SYNPR: variants seen among roughly 807,000 people sequenced by gnomAD.
SYNPR encodes the protein synaptoporin.
A neutral mutation model predicts 32.9 loss-of-function variants in SYNPR; 23 were observed. The ratio of observed to expected loss-of-function variants is 0.70; its 90% CI spans 0.50 to 0.99. The LOEUF (loss-of-function observed/expected upper bound fraction) is 0.99, where lower values mean the gene tolerates loss of function less well. Ranked by LOEUF, SYNPR falls within the 50% of genes least tolerant of loss-of-function variation. SYNPR has a pLI of 0.00. For missense variants in SYNPR, 318 were observed against 349.3 expected, an observed-to-expected ratio of 0.91 and a Z score of 0.71; for synonymous variants, 146 against 135.9, an observed-to-expected ratio of 1.07 and a Z score of -0.52.
chr3:63,600,241 A>C (rs1175931061), intron 4 of SYNPR, among the ~76,000 whole-genome samples: 1 of 152,224 alleles, frequency 6.6e-6, no homozygotes, highest in Non-Finnish European at 1.5e-5. Flanking sequence ...AAATACGGAC[A>C]GCAGCTACTG....
intron 1 of SYNPR, among the ~76,000 whole-genome samples, chr3:63,243,625 G>T (rs1437478658): frequency 6.6e-6 from 1 of 152,036 alleles, no homozygotes; most frequent in Non-Finnish European, 1.5e-5. Flanking sequence ...GAGGTTGGTT[G>T]TTTCTTTCCT....
chr3:63,221,771 T>C, the SYNPR span, among the ~76,000 whole-genome samples: 1 of 152,180 alleles, frequency 6.6e-6, no homozygotes, highest in Non-Finnish European at 1.5e-5. Context: ...TGTCTAGCTG[T>C]ATAACCTCAG....
chr3:63,239,385 T>C lies in SYNPR; in HGVS notation n.66+11005T>C, dbSNP rs879380483. ...CCCATCCTATCATTGTCAAGTGTGT[T>C]ATGCACCCACCCTACCATTGTCACC... On this transcript the variant is annotated intron_variant and non_coding_transcript_variant, in intron 1 of 4. Transcript: ENST00000478456. Among the ~76,000 whole-genome samples, 184 of 145,280 alleles carry C rather than the reference T, an allele frequency of 1.3e-3. 2 individuals carry two copies. Among genetic ancestry groups the C allele is most frequent in the South Asian group, 2.3e-3 (10 of 4,304 alleles).
chr3:63,405,294 G>A (rs1338435543), intron 2 of SYNPR, among the ~76,000 whole-genome samples: 1 of 152,140 alleles, frequency 6.6e-6, no homozygotes, highest in Non-Finnish European at 1.5e-5. Flanking sequence ...AATACGTGAG[G>A]CTATGAAACC....
chr3:63,364,929 C>T (rs746231521), intron 2 of SYNPR, among the ~76,000 whole-genome samples: 1 of 151,864 alleles, frequency 6.6e-6, no homozygotes, highest in Non-Finnish European at 1.5e-5. Context: ...GAAATATGGT[C>T]TCAAGTGACC....
At chr3:63,604,766 T>C (rs768406872) in intron 4 of SYNPR, among the ~76,000 whole-genome samples, 1 of 152,200 alleles carries the variant, frequency 6.6e-6, no homozygotes, top group African/African-American at 2.4e-5. Context: ...TTAATTACAT[T>C]ATTATTTGAT....
chr3:63,605,145 A>T (rs527702401), intron 4 of SYNPR, among the ~76,000 whole-genome samples: 1 of 152,304 alleles, frequency 6.6e-6, no homozygotes, highest in African/African-American at 2.4e-5. Flanking sequence ...AACTGTTCCA[A>T]ATTGTGAAAA....
chr3:63,270,898 T>TCC (rs1193060478), intron 3 of SYNPR, among the ~76,000 whole-genome samples: 1 of 55,382 alleles, frequency 1.8e-5, no homozygotes, highest in African/African-American at 7.3e-5. Context: ...CTTCCTTCCT[T>TCC]TTCTTTCCTT....
intron 2 of SYNPR, among the ~76,000 whole-genome samples, chr3:63,289,668 T>G (rs1366812373): frequency 2.0e-5 from 3 of 152,030 alleles, no homozygotes; most frequent in South Asian, 4.2e-4. Context: ...AAATTACGGA[T>G]CGAATTTCAA....
intron 2 of SYNPR, among the ~76,000 whole-genome samples, chr3:63,339,095 T>G (rs896289610): frequency 1.3e-5 from 2 of 152,248 alleles, no homozygotes; most frequent in Admixed American, 1.3e-4. Context: ...GATACACTGG[T>G]GCTTTGATAT....
At chr3:63,564,934 G>A (rs1197772021) in intron 4 of SYNPR, among the ~76,000 whole-genome samples, 2 of 152,098 alleles carry the variant, frequency 1.3e-5, no homozygotes, top group Non-Finnish European at 2.9e-5. Flanking sequence ...TCCTTTGCTG[G>A]AGTCTGTGCC....
At chr3:63,325,644 T>A (rs1575598795) in intron 2 of SYNPR, among the ~76,000 whole-genome samples, 1 of 152,128 alleles carries the variant, frequency 6.6e-6, no homozygotes, top group Non-Finnish European at 1.5e-5. Context: ...TTCAACACAC[T>A]CCAAATGGAG....
intron 2 of SYNPR, among the ~76,000 whole-genome samples, chr3:63,371,882 C>G (rs570688393): frequency 3.2e-4 from 48 of 152,292 alleles, no homozygotes; most frequent in African/African-American, 1.1e-3. Flanking sequence ...CCCTAACCAC[C>G]CTCAGGATGG....
At chr3:63,395,595 T>C (rs902285634) in intron 2 of SYNPR, among the ~76,000 whole-genome samples, 1 of 152,214 alleles carries the variant, frequency 6.6e-6, no homozygotes, top group African/African-American at 2.4e-5. Context: ...CTAAGTAAGA[T>C]ACCTAAGGTC....
chr3:63,326,996 C>G (rs1019887929), intron 2 of SYNPR, among the ~76,000 whole-genome samples: 1 of 151,378 alleles, frequency 6.6e-6, no homozygotes, highest in African/African-American at 2.4e-5. Flanking sequence ...GACTACTTTC[C>G]TCATAGAAAA....
chr3:63,449,086 C>A (rs558058870), intron 2 of SYNPR, among the ~76,000 whole-genome samples: 2 of 152,042 alleles, frequency 1.3e-5, no homozygotes, highest in South Asian at 4.2e-4. Context: ...CATTCTCATT[C>A]TTGGACAGTA....
chr3:63,268,320 C>G (rs1439607514), intron 3 of SYNPR, among the ~76,000 whole-genome samples: 2 of 152,082 alleles, frequency 1.3e-5, no homozygotes, highest in Non-Finnish European at 2.9e-5. Flanking sequence ...ACTTCTGTTT[C>G]TATTTAAATA....
intron 2 of SYNPR, among the ~76,000 whole-genome samples, chr3:63,303,242 T>C (rs149219321): frequency 1.3e-5 from 2 of 151,958 alleles, no homozygotes; most frequent in African/African-American, 4.8e-5. Context: ...TAAATATCAC[T>C]GCTATTTTCA....
At chr3:63,441,906 C>G (rs900483419) in intron 2 of SYNPR, among the ~76,000 whole-genome samples, 3 of 152,154 alleles carry the variant, frequency 2.0e-5, no homozygotes, top group African/African-American at 7.2e-5. Context: ...CTTCCCCACA[C>G]CTTCCCACTC....
Sources: gnomAD v4.1 joint callset for allele counts (sites outside exome capture counted in the v4.1 genomes callset) on GRCh38, gnomAD v4.1.1 for gene constraint, MANE v1.5 for transcripts, NCBI Gene and HGNC (gene_info 2026-07-23, HGNC 2026-07-21) for gene names.